FOXRED1: variants seen among roughly 807,000 people sequenced by gnomAD.
The protein encoded by FOXRED1 is FAD-dependent oxidoreductase domain-containing protein 1.
FOXRED1 carries 52 observed loss-of-function variants against 57.8 expected under a neutral mutation model. The ratio of observed to expected loss-of-function variants is 0.90; its 90% CI spans 0.72 to 1.13. The LOEUF is 1.13. Among genes scored for constraint, FOXRED1 ranks in the 50% most tolerant of loss-of-function variants. The probability of loss-of-function intolerance (pLI) is 0.00; values close to 1 mark genes in which losing one functional copy is unlikely to be tolerated. For missense variants in FOXRED1, 589 were observed against 625.2 expected (o/e 0.94, Z 0.62); for synonymous variants, 271 against 248.3 (o/e 1.09, Z -0.86).
At chr11:126,276,013 G>A in intron 7 of FOXRED1, 46 bp from the exon 8 acceptor site, 1 of 1,611,698 alleles carries the variant, frequency 6.2e-7, no homozygotes, top group Non-Finnish European at 8.5e-7. Context: ...AGGGTGCCTG[G>A]TGTGTGGTCC....
rs1179653466 is a variant in FOXRED1 at position 126,272,006 on chromosome 11, G to A, written c.306+349G>A. On this transcript the variant is annotated intron_variant, in intron 2 of 10. Transcript: ENST00000263578. This position sits in a 1 kb window ranked among gnomAD's most constrained non-coding sequence, Gnocchi z 4.6. The stretch of plus-strand genomic sequence containing the variant: ...AGACAGAGTCTTGCTCTGTCACCCA[G>A]GCTGGAGTGCAATGGCACAATCTCA... 3.1e-6 allele frequency: 1 copy of A among 324,552 alleles called. No individual in the cohort carries two copies. The highest frequency in any genetic ancestry group is 2.5e-5 in the South Asian group (1 of 39,654). The allele number at this position is 324,552 out of a possible 1,614,324, so 20.1% of individuals were successfully genotyped here. A position where few individuals can be genotyped will look rare whatever the true frequency, so the allele number is the denominator to read the frequency against.
chr11:126,277,207 T>G lies in FOXRED1; in HGVS notation c.1206+32T>G, dbSNP rs759676970. 5.5e-6 allele frequency: 8 copies of G among 1,445,330 alleles called. No homozygotes were observed. The South Asian group carries it at 6.8e-5, about 12-fold the overall frequency. The allele number at this position is 1,445,330 out of a possible 1,614,324, so 89.5% of individuals were successfully genotyped here. ...GGCAAGGGCTGGTTTTCCTTTTTATTTTTGGACATTGGATGGGACAGATGA... is the reference window on the plus strand; with the variant it reads ...GGCAAGGGCTGGTTTTCCTTTTTATGTTTGGACATTGGATGGGACAGATGA... On this transcript the variant is annotated intron_variant, in intron 10 of 10. Coordinates refer to ENST00000263578, the MANE Select transcript of FOXRED1 (RefSeq NM_017547.4). The surrounding 1 kb of genome is among the most constrained non-coding windows in gnomAD (Gnocchi z 6.8).
rs760455447 is a variant in FOXRED1, at chr11:126,277,088, G to A, written c.1119G>A (p.Pro373=). ...CACTCCAGCAGGAAGAACCGGACCC[G>A]GCGAACCTGGAAGTGGACCATGATT... ...RSPTEQEEPD[P]ANLEVDHDFF... Residue 373 remains proline (P), a synonymous_variant, in exon 10 of 11, where the codon CCG becomes CCA. Coordinates refer to ENST00000263578, the MANE Select transcript of FOXRED1 (RefSeq NM_017547.4). This position sits in a 1 kb window ranked among gnomAD's most constrained non-coding sequence, Gnocchi z 6.8. 7 of 1,612,698 alleles carry A rather than the reference G, an allele frequency of 4.3e-6. No homozygotes were observed. The highest frequency in any genetic ancestry group is 5.9e-6 in the Non-Finnish European group (7 of 1,179,280).
Position 126,269,250 on chromosome 11 carries a change from T to C in FOXRED1, c.44T>C (p.Leu15Ser). 1 of 1,614,174 alleles carries C rather than the reference T, an allele frequency of 6.2e-7. No homozygotes were observed. The highest frequency in any genetic ancestry group is 8.5e-7 in the Non-Finnish European group (1 of 1,180,016). Reference sequence around the variant, plus strand: ...CCGCACGGCATGGGCCGGGGCCTCTTGACCCGGAGGCCAGGCACGCGCAGA... The same window carrying C: ...CCGCACGGCATGGGCCGGGGCCTCTCGACCCGGAGGCCAGGCACGCGCAGA... ...VLPHGMGRGL[L>S]TRRPGTRRGG... The change falls in exon 1 of 11, where the codon TTG (leucine) becomes TCG (serine). Residue 15 changes from leucine to serine, a missense_variant. Transcript: ENST00000263578.
rs1312828374 is a variant in FOXRED1 at position 126,272,693 on chromosome 11, C to T, written c.307-276C>T. The stretch of plus-strand genomic sequence containing the variant: ...TTCATTTCCCAAATGGTAGGTCAAA[C>T]GTTAATCGCCTGCCCTTGGACTTCC... On this transcript the variant is annotated intron_variant, in intron 2 of 10. Transcript: ENST00000263578. This position sits in a 1 kb window ranked among gnomAD's most constrained non-coding sequence, Gnocchi z 4.6. The T allele has an allele frequency of 3.5e-5, 19 of 540,810 alleles. No homozygotes were observed. The highest frequency in any genetic ancestry group is 2.1e-4 in the African/African-American group (11 of 52,800). 33.5% of individuals were successfully genotyped at this position (540,810 alleles called of 1,614,324 possible). A position where few individuals can be genotyped will look rare whatever the true frequency, so the allele number is the denominator to read the frequency against.
Position 126,271,292 on chromosome 11 carries a change from C to G in FOXRED1, c.86-145C>G. On this transcript the variant is annotated intron_variant, in intron 1 of 10. Transcript: ENST00000263578. This position sits in a 1 kb window ranked among gnomAD's most constrained non-coding sequence, Gnocchi z 5.3. ...AAAACTGTGGCAACACTGTTGGGTG[C>G]AAGGTGACCTTATGAGATGGGCTGA... The G allele has an allele frequency of 2.8e-6, 2 of 702,952 alleles. No individual in the cohort carries two copies. 43.5% of individuals were successfully genotyped at this position (702,952 alleles called of 1,614,324 possible). A position where few individuals can be genotyped will look rare whatever the true frequency, so the allele number is the denominator to read the frequency against.
chr11:126,276,969 C>T, intron 9 of FOXRED1, 102 bp from the exon 10 acceptor site: 1 of 792,130 alleles, frequency 1.3e-6, no homozygotes, highest in Non-Finnish European at 2.3e-6. Flanking sequence ...TGAACTGGGA[C>T]CATTTCTCCC....
Position 126,273,440 on chromosome 11 carries a change from C to T in FOXRED1, c.522C>T (p.Asn174=), listed in dbSNP as rs144650025. The T allele has an allele frequency of 8.2e-5, 133 of 1,612,396 alleles. No homozygotes were observed. The highest frequency in any genetic ancestry group is 3.3e-4 in the Middle Eastern group (2 of 6,058). ...SEKDAAAMES[N]VKVQRQEGAK... ...AGGATGCTGCAGCCATGGAGAGCAA[C>T]GTGAAAGTGCAGAGGTGGGTGCCTG... The change falls in exon 4 of 11, where the codon AAC becomes AAT. Residue 174 remains asparagine (N), a synonymous_variant. Transcript: ENST00000263578. The surrounding 1 kb of genome is among the most constrained non-coding windows in gnomAD (Gnocchi z 5.9).
In FOXRED1 at chr11:126,275,497, CA is replaced by C; in HGVS notation, c.733+71del. ...AGACTAGGTCTTATCTTCTCACTCA[CA>C]AGCTAAGCAAGGGCTGGAGGGGGAA... On this transcript the variant is annotated intron_variant, in intron 6 of 10. Transcript: ENST00000263578. The surrounding 1 kb of genome is among the most constrained non-coding windows in gnomAD (Gnocchi z 5.9). 1 of 1,131,670 alleles carries C rather than the reference CA, an allele frequency of 8.8e-7. No individual in the cohort carries two copies. The highest frequency in any genetic ancestry group is 1.3e-6 in the Non-Finnish European group (1 of 741,448). 70.1% of individuals were successfully genotyped at this position (1,131,670 alleles called of 1,614,324 possible).
rs1951041825 is a variant in FOXRED1 at position 126,273,282 on chromosome 11, C to G, written c.418-54C>G. 7.2e-7 allele frequency: 1 copy of G among 1,387,652 alleles called. No individual in the cohort carries two copies. Among genetic ancestry groups the G allele is most frequent in the Non-Finnish European group, 1.0e-6 (1 of 973,514 alleles). The allele number at this position is 1,387,652 out of a possible 1,614,324, so 86.0% of individuals were successfully genotyped here. A position where few individuals can be genotyped will look rare whatever the true frequency, so the allele number is the denominator to read the frequency against. ...GCTGTGGGGGAAGAAGGCAGGAAAA[C>G]TCTTTCTGGCATCCTTAAGTCAGTT... On this transcript the variant is annotated intron_variant, in intron 3 of 10. Transcript: ENST00000263578. The surrounding 1 kb of genome is among the most constrained non-coding windows in gnomAD (Gnocchi z 5.9).
In FOXRED1 at chr11:126,276,071, C is replaced by T. The variant is rs774375087; in HGVS notation, c.823C>T (p.Arg275Cys). 28 of 1,612,636 alleles carry T rather than the reference C, an allele frequency of 1.7e-5. No homozygotes were observed. Among genetic ancestry groups the T allele is most frequent in the Middle Eastern group, 1.6e-4 (1 of 6,082 alleles). Residue 275 changes from arginine (R) to cysteine (C), a missense_variant, in exon 8 of 11, where the codon CGC (arginine) becomes TGC (cysteine). Physicochemically the swap from Arg to Cys is radical, Grantham distance 180. Transcript: ENST00000263578. The stretch of plus-strand genomic sequence containing the variant: ...CTGGTGTCTGCAGGTGAAGATGGAC[C>T]GCAGCCTGGAGTACCAGCCTGTGGA... ...RIHEVHVKMD[R>C]SLEYQPVECA... is the part of the protein sequence containing the mutation.
chr11:126,269,161 G>C lies in FOXRED1; in HGVS notation c.-46G>C, dbSNP rs1950894587. On this transcript the variant is annotated 5_prime_UTR_variant, in exon 1 of 11. Transcript: ENST00000263578. ...CGGAGCAGTGACGGCTGCGATAATA[G>C]CGAGGCAGCAGTGCAGCTTTCAGAG... 1 of 1,431,388 alleles carries C rather than the reference G, an allele frequency of 7.0e-7. No individual in the cohort carries two copies. The highest frequency in any genetic ancestry group is 1.4e-5 in the African/African-American group (1 of 72,098). 88.7% of individuals were successfully genotyped at this position (1,431,388 alleles called of 1,614,324 possible). A position where few individuals can be genotyped will look rare whatever the true frequency, so the allele number is the denominator to read the frequency against.
At chr11:126,276,928 T>C (rs1199017401) in intron 9 of FOXRED1, 143 bp from the exon 10 acceptor site, 6 of 710,244 alleles carry the variant, frequency 8.4e-6, no homozygotes, top group African/African-American at 1.8e-5. Context: ...CTGTGTGCTG[T>C]GTTAATTGAT....
chr11:126,269,562 C>T (rs1591543569), intron 1 of FOXRED1: 6 of 656,388 alleles, frequency 9.1e-6, no homozygotes, highest in African/African-American at 3.6e-5. Context: ...TGCATTAAGT[C>T]CTGCCCGTGT....
chr11:126,277,741 A>C lies in FOXRED1; in HGVS notation c.*52A>C, dbSNP rs375665109. On this transcript the variant is annotated 3_prime_UTR_variant, in exon 11 of 11. Transcript: ENST00000263578. This position sits in a 1 kb window ranked among gnomAD's most constrained non-coding sequence, Gnocchi z 6.8. ...TGGCTTGCATCCTGGCTGTGTTCAC[A>C]GCCTTGTTTGCTGCTTCCATCTTCC... 1.3e-6 allele frequency: 2 copies of C among 1,598,276 alleles called. No individual in the cohort carries two copies. The highest frequency in any genetic ancestry group is 1.7e-6 in the Non-Finnish European group (2 of 1,167,028).
In FOXRED1 at chr11:126,273,233, G is replaced by A; in HGVS notation, c.418-103G>A. ...CCTTCTTCCTAGTGGTGGTGCCGCA[G>A]GTCTGGGGCACTGAGCCTGGGGAGC... On this transcript the variant is annotated intron_variant, in intron 3 of 10. Transcript: ENST00000263578. This position sits in a 1 kb window ranked among gnomAD's most constrained non-coding sequence, Gnocchi z 5.9. The A allele has an allele frequency of 9.8e-7, 1 of 1,018,898 alleles. No homozygotes were observed. The highest frequency in any genetic ancestry group is 1.6e-6 in the Non-Finnish European group (1 of 637,220). 63.1% of individuals were successfully genotyped at this position (1,018,898 alleles called of 1,614,324 possible). A position where few individuals can be genotyped will look rare whatever the true frequency, so the allele number is the denominator to read the frequency against.
Position 126,273,236 on chromosome 11 carries a change from C to G in FOXRED1, c.418-100C>G, listed in dbSNP as rs2298454. ...TCTTCCTAGTGGTGGTGCCGCAGGT[C>G]TGGGGCACTGAGCCTGGGGAGCTGT... On this transcript the variant is annotated intron_variant, in intron 3 of 10. Transcript: ENST00000263578. This position sits in a 1 kb window ranked among gnomAD's most constrained non-coding sequence, Gnocchi z 5.9. 2.9e-6 allele frequency: 3 copies of G among 1,028,866 alleles called. No individual in the cohort carries two copies. The East Asian group carries it at 7.1e-5, about 24-fold the overall frequency. The allele number at this position is 1,028,866 out of a possible 1,614,324, so 63.7% of individuals were successfully genotyped here. A position where few individuals can be genotyped will look rare whatever the true frequency, so the allele number is the denominator to read the frequency against.
rs771818339 is a variant in FOXRED1, at chr11:126,269,184, G to C, written c.-23G>C. 3 of 1,582,266 alleles carry C rather than the reference G, an allele frequency of 1.9e-6. No homozygotes were observed. Among genetic ancestry groups the C allele is most frequent in the Non-Finnish European group, 2.6e-6 (3 of 1,152,010 alleles). On this transcript the variant is annotated 5_prime_UTR_variant, in exon 1 of 11. Coordinates refer to ENST00000263578, the MANE Select transcript of FOXRED1 (RefSeq NM_017547.4). ...TAGCGAGGCAGCAGTGCAGCTTTCA[G>C]AGGGTCCGGGCTCAGAGGGGTTATG...
At position 126,275,658 on chromosome 11, in the gene FOXRED1, C is replaced by A; in HGVS notation, c.734-136C>A. On this transcript the variant is annotated intron_variant, in intron 6 of 10. Transcript: ENST00000263578. This position sits in a 1 kb window ranked among gnomAD's most constrained non-coding sequence, Gnocchi z 5.9. ...AGTGTGGCCAAGCTCATGCCAGCTCCCTCATCTCTGTTTGCTTCAGTGTCT... is the reference window on the plus strand; with the variant it reads ...AGTGTGGCCAAGCTCATGCCAGCTCACTCATCTCTGTTTGCTTCAGTGTCT... 5.4e-6 allele frequency: 4 copies of A among 742,952 alleles called. No homozygotes were observed. The highest frequency in any genetic ancestry group is 4.0e-5 in the Admixed American group (2 of 49,874). 46.0% of individuals were successfully genotyped at this position (742,952 alleles called of 1,614,324 possible). A position where few individuals can be genotyped will look rare whatever the true frequency, so the allele number is the denominator to read the frequency against.
Sources: allele counts gnomAD v4.1 joint callset, GRCh38; gene constraint gnomAD v4.1.1; non-coding constraint Gnocchi (gnomAD v3.1); transcripts MANE v1.5; gene names NCBI Gene and HGNC (gene_info 2026-07-23, HGNC 2026-07-21).